The following SPRR2G variants were observed in gnomAD, a reference collection of about 807,000 sequenced individuals.
The protein encoded by SPRR2G is small proline rich protein 2G.
A neutral mutation model predicts 0.7 loss-of-function variants in SPRR2G; 1 was observed. The observed-to-expected ratio is 1.49, with a 90% CI of 0.53 to 7.06. The LOEUF (loss-of-function observed/expected upper bound fraction) is 7.06, where lower values mean the gene tolerates loss of function less well. Among genes scored for constraint, SPRR2G ranks in the 30% most tolerant of loss-of-function variants. SPRR2G has a pLI of 0.14. For synonymous variants in SPRR2G, 38 were observed against 33.9 expected, an observed-to-expected ratio of 1.12 and a Z score of -0.42; for missense variants, 96 against 88.5, an observed-to-expected ratio of 1.09 and a Z score of -0.34.
the SPRR2G span, among the ~76,000 whole-genome samples, chr1:153,188,529 C>T: frequency 1.3e-5 from 2 of 152,132 alleles, no homozygotes; most frequent in Non-Finnish European, 2.9e-5. Context: ...AGACACACCT[C>T]CCCACACCAA....
At chr1:153,177,102 C>T in the SPRR2G span, among the ~76,000 whole-genome samples, 1 of 152,104 alleles carries the variant, frequency 6.6e-6, no homozygotes, top group Admixed American at 6.6e-5. Context: ...TACATAGAAT[C>T]ATACAGAACG....
chr1:153,190,553 G>A, the SPRR2G span: 3,444 of 152,246 alleles, frequency 0.023, 103 homozygotes, highest in African/African-American at 0.066. Flanking sequence ...ATTTCCACCG[G>A]CTACCTTCTC....
chr1:153,149,912 T>C lies in SPRR2G; in HGVS notation c.199A>G (p.Lys67Glu). 6.2e-7 allele frequency: 1 copy of C among 1,614,092 alleles called. No homozygotes were observed. The highest frequency in any genetic ancestry group is 8.5e-7 in the Non-Finnish European group (1 of 1,180,022). Residue 67 changes from lysine (K) to glutamate (E), a missense_variant, in exon 2 of 2, where the codon AAG becomes GAG. Coordinates refer to ENST00000368748, the MANE Select transcript of SPRR2G (RefSeq NM_001014291.4). ...TGTTACTTGCTCTTGGGTGGATACT[T>C]CTGCTGGCAGGGTGGGTATGGTTGC... ...PVQPYPPCQQ[K>E]YPPKSK is the part of the protein sequence containing the mutation.
chr1:153,197,710 A>G, the SPRR2G span, among the ~76,000 whole-genome samples: 2 of 152,200 alleles, frequency 1.3e-5, no homozygotes, highest in African/African-American at 4.8e-5. Flanking sequence ...CAGAGATGGT[A>G]TCTCTTAACT....
At chr1:153,181,088 T>A in the SPRR2G span, among the ~76,000 whole-genome samples, 1 of 152,272 alleles carries the variant, frequency 6.6e-6, no homozygotes, top group East Asian at 1.9e-4. Context: ...CATTTTGCAA[T>A]CTTGGTGGTG....
At chr1:153,154,181 A>G (rs1656532395), upstream of SPRR2G, among the ~76,000 whole-genome samples, 1 of 151,838 alleles carries the variant, frequency 6.6e-6, no homozygotes, top group South Asian at 2.1e-4. Flanking sequence ...AAATTTATTG[A>G]ACCATCCATC....
the SPRR2G span, among the ~76,000 whole-genome samples, chr1:153,192,841 G>A: frequency 6.6e-6 from 1 of 152,136 alleles, no homozygotes; most frequent in African/African-American, 2.4e-5. Flanking sequence ...GCCTGTGTAG[G>A]TAAGAACCCC....
the SPRR2G span, among the ~76,000 whole-genome samples, chr1:153,181,782 T>TTA: frequency 0.025 from 3,699 of 149,458 alleles, 241 homozygotes; most frequent in Admixed American, 0.15. Flanking sequence ...TGGTATTCCA[T>TTA]TATATATATA....
chr1:153,166,718 C>T, the SPRR2G span, among the ~76,000 whole-genome samples: 1 of 152,158 alleles, frequency 6.6e-6, no homozygotes, highest in Non-Finnish European at 1.5e-5. Flanking sequence ...TATTAGCCCA[C>T]ATTATCAAGA....
the SPRR2G span, among the ~76,000 whole-genome samples, chr1:153,182,840 A>G: frequency 6.6e-6 from 1 of 152,152 alleles, no homozygotes; most frequent in Non-Finnish European, 1.5e-5. Flanking sequence ...TAGTGCTACA[A>G]TAAACATGTG....
chr1:153,192,625 ATT>A, the SPRR2G span, among the ~76,000 whole-genome samples: 1 of 152,314 alleles, frequency 6.6e-6, no homozygotes, highest in South Asian at 2.1e-4. Flanking sequence ...CTGCTGGTTG[ATT>A]TCAGACTGAA....
chr1:153,173,088 C>T, the SPRR2G span, among the ~76,000 whole-genome samples: 4 of 152,212 alleles, frequency 2.6e-5, no homozygotes, highest in East Asian at 7.7e-4. Context: ...GTCAGTAAAG[C>T]TAGCATCCAC....
chr1:153,158,714 G>T, the SPRR2G span, among the ~76,000 whole-genome samples: 1 of 152,212 alleles, frequency 6.6e-6, no homozygotes, highest in Non-Finnish European at 1.5e-5. Context: ...GGTTCTCCAT[G>T]AGGGCTCCAT....
chr1:153,200,472 G>A, the SPRR2G span, among the ~76,000 whole-genome samples: 1 of 152,110 alleles, frequency 6.6e-6, no homozygotes, highest in African/African-American at 2.4e-5. Flanking sequence ...CTTCATACAG[G>A]GCATCCCCAG....
the SPRR2G span, among the ~76,000 whole-genome samples, chr1:153,195,998 T>TG: frequency 1.6e-4 from 24 of 152,362 alleles, no homozygotes; most frequent in East Asian, 4.6e-3. Context: ...AGGACCTTCC[T>TG]GGGGGCCAGG....
the SPRR2G span, among the ~76,000 whole-genome samples, chr1:153,164,251 A>T: frequency 6.6e-6 from 1 of 152,368 alleles, no homozygotes; most frequent in East Asian, 1.9e-4. Context: ...GGAGAGGCAC[A>T]GGTCTCTAAC....
At chr1:153,168,392 T>C in the SPRR2G span, among the ~76,000 whole-genome samples, 1 of 152,232 alleles carries the variant, frequency 6.6e-6, no homozygotes, top group Non-Finnish European at 1.5e-5. Flanking sequence ...GCTTCAGTTT[T>C]ACAGCAAGAA....
At chr1:153,167,612 A>G in the SPRR2G span, among the ~76,000 whole-genome samples, 1 of 152,214 alleles carries the variant, frequency 6.6e-6, no homozygotes, top group African/African-American at 2.4e-5. Context: ...ATGATTAGAG[A>G]TTAGGAAGGT....
At chr1:153,153,882 T>C (rs75715518), upstream of SPRR2G, among the ~76,000 whole-genome samples, 4,698 of 152,102 alleles carry the variant, frequency 0.031, 240 homozygotes, top group African/African-American at 0.11. Flanking sequence ...CAAGAGTGAG[T>C]GTCCTTGCTT....
Sources: gnomAD v4.1 joint callset for allele counts (sites outside exome capture counted in the v4.1 genomes callset) on GRCh38, gnomAD v4.1.1 for gene constraint, MANE v1.5 for transcripts, NCBI Gene and HGNC (gene_info 2026-07-23, HGNC 2026-07-21) for gene names.